The following KPNA7 variants were observed in gnomAD, a reference collection of about 807,000 sequenced individuals.
The protein encoded by KPNA7 is importin subunit alpha-8.
A neutral mutation model predicts 53.7 loss-of-function variants in KPNA7; 54 were observed. The ratio of observed to expected loss-of-function variants is 1.01; its 90% CI spans 0.81 to 1.26. The LOEUF (loss-of-function observed/expected upper bound fraction) is 1.26, where lower values mean the gene tolerates loss of function less well. KPNA7 is among the 50% of genes most tolerant of loss of function. The probability of loss-of-function intolerance (pLI) is 0.00; values close to 1 mark genes in which losing one functional copy is unlikely to be tolerated. For missense variants in KPNA7, 640 were observed against 644.5 expected, an observed-to-expected ratio of 0.99 and a Z score of 0.07; for synonymous variants, 276 against 259.3, an observed-to-expected ratio of 1.06 and a Z score of -0.62.
intron 10 of KPNA7, among the ~76,000 whole-genome samples, chr7:99,174,292 C>G (rs1798827626): frequency 6.6e-6 from 1 of 152,164 alleles, no homozygotes; most frequent in African/African-American, 2.4e-5. Flanking sequence ...TCCCATCACC[C>G]CCAGATGGGA....
chr7:99,183,084 T>C (rs1316461108), intron 8 of KPNA7, among the ~76,000 whole-genome samples: 1 of 152,028 alleles, frequency 6.6e-6, no homozygotes, highest in Admixed American at 6.6e-5. Flanking sequence ...GGTGAAACCC[T>C]GTCTCTATTA....
At chr7:99,200,492 C>T (rs1422955051) in intron 3 of KPNA7, among the ~76,000 whole-genome samples, 2 of 152,098 alleles carry the variant, frequency 1.3e-5, no homozygotes, top group African/African-American at 4.8e-5. Flanking sequence ...GGTTTGGGGA[C>T]TAGAAGATGC....
rs1202461014 is a variant in KPNA7, at chr7:99,181,974, G to C, written c.1226C>G (p.Ser409Cys). The C allele has an allele frequency of 1.3e-6, 2 of 1,551,380 alleles. No individual in the cohort carries two copies. Among genetic ancestry groups the C allele is most frequent in the Non-Finnish European group, 8.7e-7 (1 of 1,146,722 alleles). The change falls in exon 9 of 11, where the codon TCT becomes TGT. Residue 409 changes from serine to cysteine, a missense_variant. Coordinates refer to ENST00000327442, the MANE Select transcript of KPNA7 (RefSeq NM_001145715.3). ...TMDQLIQLVHSGVLEPLVNLL... is the reference protein window; with the variant it reads ...TMDQLIQLVHCGVLEPLVNLL... ...ATTCACCAGTGGCTCCAGGACCCCA[G>C]AGTGGACGAGCTGGATCAGCTGATC...
At chr7:99,175,929 GA>G (rs1257654676) in intron 10 of KPNA7, among the ~76,000 whole-genome samples, 1 of 152,118 alleles carries the variant, frequency 6.6e-6, no homozygotes, top group African/African-American at 2.4e-5. Context: ...TGACACCTAA[GA>G]GAAGTGTCAC....
chr7:99,207,236 T>C (rs1046693154), intron 2 of KPNA7, among the ~76,000 whole-genome samples, 165 bp downstream of exon 2: 4 of 152,034 alleles, frequency 2.6e-5, no homozygotes, highest in Non-Finnish European at 2.9e-5. Context: ...GGTTACACCA[T>C]GTTGGCCAGG....
chr7:99,201,049 T>C (rs572300862), intron 3 of KPNA7, among the ~76,000 whole-genome samples: 3 of 152,340 alleles, frequency 2.0e-5, no homozygotes, highest in Admixed American at 2.0e-4. Flanking sequence ...GAAGTATTGA[T>C]ATATGCTACA....
chr7:99,186,246 G>C (rs574672231), intron 7 of KPNA7, among the ~76,000 whole-genome samples: 1 of 152,160 alleles, frequency 6.6e-6, no homozygotes, highest in Non-Finnish European at 1.5e-5. Flanking sequence ...ACAGGTCTAC[G>C]ATTGGGCTCA....
the KPNA7 span, among the ~76,000 whole-genome samples, chr7:99,146,725 A>T: frequency 1.2e-5 from 1 of 86,820 alleles, no homozygotes; most frequent in Non-Finnish European, 2.6e-5. Flanking sequence ...AAAAAAAAAA[A>T]AAAAAAAAAA....
chr7:99,209,693 AAAAAAAAAAAAAAAAAAG>A (rs1563091922), upstream of KPNA7, among the ~76,000 whole-genome samples: 1 of 128,544 alleles, frequency 7.8e-6, no homozygotes, highest in Non-Finnish European at 1.6e-5. Context: ...AAAAAAAAAA[AAAAAAAAAAAAAAAAAAG>A]AAAAAAATCT....
intron 3 of KPNA7, among the ~76,000 whole-genome samples, chr7:99,200,760 G>A (rs527805036): frequency 2.2e-4 from 34 of 152,314 alleles, no homozygotes; most frequent in African/African-American, 8.2e-4. Context: ...CAAATTGCTT[G>A]AGGTCAGGAG....
chr7:99,177,621 T>C (rs1026021870), intron 10 of KPNA7, among the ~76,000 whole-genome samples: 1 of 134,160 alleles, frequency 7.5e-6, no homozygotes, highest in Admixed American at 7.6e-5. Flanking sequence ...TCAAATCCTC[T>C]CCCCTGCCAT....
intron 5 of KPNA7, among the ~76,000 whole-genome samples, chr7:99,193,427 T>C (rs1790067189): frequency 6.6e-6 from 1 of 152,186 alleles, no homozygotes; most frequent in Admixed American, 6.5e-5. Flanking sequence ...CCAGAAGACC[T>C]TGGCACAGGG....
Position 99,195,159 on chromosome 7 carries a change from C to A in KPNA7, c.464G>T (p.Gly155Val). 1 of 1,551,590 alleles carries A rather than the reference C, an allele frequency of 6.4e-7. No individual in the cohort carries two copies. The highest frequency in any genetic ancestry group is 8.7e-7 in the Non-Finnish European group (1 of 1,147,004). ...CTCAATCAAGGGCTGGATGGCTCCCCCTTCTACCACGGCACGAGTCTGCTC... is the reference window on the plus strand; with the variant it reads ...CTCAATCAAGGGCTGGATGGCTCCCACTTCTACCACGGCACGAGTCTGCTC... ...TSEQTRAVVE[G>V]GAIQPLIELL... Residue 155 changes from glycine to valine, a missense_variant, in exon 5 of 11, where the codon GGG becomes GTG. Physicochemically the swap from Gly to Val is moderately radical, Grantham distance 109. Coordinates refer to ENST00000327442, the MANE Select transcript of KPNA7 (RefSeq NM_001145715.3).
chr7:99,156,389 T>A, the KPNA7 span, among the ~76,000 whole-genome samples: 2 of 152,204 alleles, frequency 1.3e-5, no homozygotes, highest in Non-Finnish European at 2.9e-5. Flanking sequence ...TTTTTGTTTC[T>A]GGAAAGAGTC....
At chr7:99,194,736 T>C (rs1790139439) in intron 5 of KPNA7, among the ~76,000 whole-genome samples, 1 of 152,098 alleles carries the variant, frequency 6.6e-6, no homozygotes, top group Non-Finnish European at 1.5e-5. Context: ...CCCGAGTAGC[T>C]GGGACTACAG....
the KPNA7 span, among the ~76,000 whole-genome samples, chr7:99,154,691 T>A: frequency 6.6e-6 from 1 of 151,460 alleles, no homozygotes. Context: ...CCCGGCTAAT[T>A]TTTTTTTTCG....
chr7:99,208,778 A>C (rs956290100), upstream of KPNA7, among the ~76,000 whole-genome samples: 2 of 152,224 alleles, frequency 1.3e-5, no homozygotes, highest in Admixed American at 6.5e-5. Context: ...TGCTGGGCAT[A>C]GCAGTAAAGG....
intron 7 of KPNA7, among the ~76,000 whole-genome samples, chr7:99,188,036 G>A (rs112676466): frequency 0.18 from 26,491 of 150,942 alleles, 2,447 homozygotes; most frequent in South Asian, 0.32. Context: ...TGAGCCGGGC[G>A]TGGTCGTTGG....
the KPNA7 span, among the ~76,000 whole-genome samples, chr7:99,164,820 G>A: frequency 2.6e-5 from 4 of 152,128 alleles, no homozygotes; most frequent in African/African-American, 9.7e-5. Flanking sequence ...GTCTCAGACC[G>A]GGTGTGGTGG....
Sources: gnomAD v4.1 joint callset for allele counts (sites outside exome capture counted in the v4.1 genomes callset) on GRCh38, gnomAD v4.1.1 for gene constraint, MANE v1.5 for transcripts, NCBI Gene and HGNC (gene_info 2026-07-23, HGNC 2026-07-21) for gene names.